The following CCDC158 variants were observed in gnomAD, a reference collection of about 807,000 sequenced individuals.
CCDC158 encodes the protein coiled-coil domain-containing protein 158.
A neutral mutation model predicts 138.6 loss-of-function variants in CCDC158; 116 were observed. The ratio of observed to expected loss-of-function variants is 0.84; its 90% CI spans 0.72 to 0.98. The LOEUF is 0.98. Ranked by LOEUF, CCDC158 falls within the 50% of genes least tolerant of loss-of-function variation. The probability of loss-of-function intolerance (pLI) is 0.00; values close to 1 mark genes in which losing one functional copy is unlikely to be tolerated. For missense variants in CCDC158, 1,265 were observed against 1,306.1 expected (o/e 0.97, Z 0.48); for synonymous variants, 436 against 442.4 (o/e 0.99, Z 0.18).
chr4:76,335,130 A>G (rs1243118099), intron 18 of CCDC158, among the ~76,000 whole-genome samples: 1 of 152,216 alleles, frequency 6.6e-6, no homozygotes, highest in Non-Finnish European at 1.5e-5. Flanking sequence ...AGTTTCATAA[A>G]TTAGACTCCA....
chr4:76,322,541 A>G (rs756853584), intron 24 of CCDC158, among the ~76,000 whole-genome samples: 2 of 152,236 alleles, frequency 1.3e-5, no homozygotes, highest in African/African-American at 2.4e-5. Context: ...ATTATTATTA[A>G]TAAGGTTAAG....
Position 76,367,063 on chromosome 4 carries a change from T to C in CCDC158, c.1830+231A>G, listed in dbSNP as rs140745575. Among the ~76,000 whole-genome samples, 421 of 152,304 alleles carry C rather than the reference T, an allele frequency of 2.8e-3. 2 individuals are homozygous for C. Among genetic ancestry groups the C allele is most frequent in the African/African-American group, 9.2e-3 (382 of 41,564 alleles). Reference sequence around the variant, plus strand: ...AGGAAAGACTTCATAGATTTTCTGATCTTTTTTCTTTTGTACCCGTGATTT... The same window carrying C: ...AGGAAAGACTTCATAGATTTTCTGACCTTTTTTCTTTTGTACCCGTGATTT... On this transcript the variant is annotated intron_variant, in intron 12 of 24. Transcript: ENST00000682701.
rs199507822 is a variant in CCDC158, at chr4:76,328,948, C to T, written c.2962G>A (p.Ala988Thr). 400 of 1,613,648 alleles carry T rather than the reference C, an allele frequency of 2.5e-4. No individual in the cohort carries two copies. Among genetic ancestry groups the T allele is most frequent in the African/African-American group, 1.1e-3 (85 of 75,018 alleles). ...CCAGAGGGATCTTCCCTGTCTCCTG[C>T]GTGTAATGTGACTGGCTCTCTGGAA... ...TLSREPVTLHAGDREDPSGCF... is the reference protein window; with the variant it reads ...TLSREPVTLHTGDREDPSGCF... The change falls in exon 22 of 25, where the codon GCA becomes ACA. Residue 988 changes from alanine to threonine, a missense_variant. Coordinates refer to ENST00000682701, the MANE Select transcript of CCDC158 (RefSeq NM_001394954.1).
chr4:76,364,548 T>A (rs1009783754), intron 12 of CCDC158, among the ~76,000 whole-genome samples: 2 of 152,224 alleles, frequency 1.3e-5, no homozygotes, highest in African/African-American at 2.4e-5. Flanking sequence ...AACACTATAT[T>A]TTGAATATGA....
intron 1 of CCDC158, among the ~76,000 whole-genome samples, chr4:76,413,818 T>TG (rs1272720820): frequency 6.6e-6 from 1 of 152,240 alleles, no homozygotes; most frequent in Non-Finnish European, 1.5e-5. Context: ...TTCTCACAGA[T>TG]GATATCAGTC....
At chr4:76,315,309 C>A (rs1719275566) in intron 24 of CCDC158, among the ~76,000 whole-genome samples, 1 of 152,190 alleles carries the variant, frequency 6.6e-6, no homozygotes. Flanking sequence ...CTGCCCCAAC[C>A]TGATGGTATT....
chr4:76,384,785 C>T lies in CCDC158; in HGVS notation c.289-120G>A, dbSNP rs80006794. On this transcript the variant is annotated intron_variant, in intron 4 of 24. Transcript: ENST00000682701. ...TTTTTATGTCTACTTCCTTCCCTCACTGCTGCAGTTCAAAGTCTAATTAAT... is the reference window on the plus strand; with the variant it reads ...TTTTTATGTCTACTTCCTTCCCTCATTGCTGCAGTTCAAAGTCTAATTAAT... 8.1e-3 allele frequency: 5,399 copies of T among 666,520 alleles called. 201 individuals carry two copies. In the African/African-American group the frequency reaches 0.087, roughly 11 times the overall value. 41.3% of individuals were successfully genotyped at this position (666,520 alleles called of 1,614,324 possible).
chr4:76,351,984 A>G, intron 16 of CCDC158, 172 bp from the exon 17 acceptor site: 1 of 536,986 alleles, frequency 1.9e-6, no homozygotes, highest in Non-Finnish European at 3.3e-6. Flanking sequence ...GAGCAACTGG[A>G]GGCCATGTTT....
At position 76,407,981 on chromosome 4, in the gene CCDC158, G is replaced by A. The variant is rs117760183; in HGVS notation, c.-74+4109C>T. ...GTTGGAAAGCAGCAGTCCTTCAAAG[G>A]GGAATTTTTTTCTTAGAAAATTAGT... On this transcript the variant is annotated intron_variant, in intron 2 of 24. Transcript: ENST00000682701. 3.6e-4 allele frequency among the ~76,000 whole-genome samples: 55 copies of A among 152,050 alleles called. 1 individual carries two copies. In the East Asian group the frequency reaches 6.0e-3, roughly 17 times the overall value.
chr4:76,316,599 A>C (rs1719412780), intron 24 of CCDC158, among the ~76,000 whole-genome samples: 1 of 152,142 alleles, frequency 6.6e-6, no homozygotes, highest in Non-Finnish European at 1.5e-5. Flanking sequence ...CAAATACAAG[A>C]AGCTCAAAGA....
chr4:76,395,362 A>G (rs1727685003), intron 4 of CCDC158, among the ~76,000 whole-genome samples: 1 of 152,094 alleles, frequency 6.6e-6, no homozygotes, highest in Non-Finnish European at 1.5e-5. Context: ...TTTTTTCCTA[A>G]AAGTGCTCAC....
At chr4:76,349,878 T>C (rs1247436997) in intron 18 of CCDC158, among the ~76,000 whole-genome samples, 3 of 152,186 alleles carry the variant, frequency 2.0e-5, no homozygotes, top group Non-Finnish European at 2.9e-5. Context: ...CTAGAGGTCA[T>C]CTTGTCCAGA....
chr4:76,353,802 T>C (rs1394728492), intron 15 of CCDC158, among the ~76,000 whole-genome samples: 1 of 152,206 alleles, frequency 6.6e-6, no homozygotes, highest in African/African-American at 2.4e-5. Flanking sequence ...AGCTTACTGA[T>C]ACAATAGTCT....
intron 18 of CCDC158, among the ~76,000 whole-genome samples, chr4:76,338,977 A>G (rs1490122378): frequency 6.6e-6 from 1 of 152,208 alleles, no homozygotes; most frequent in East Asian, 1.9e-4. Context: ...TGCATTGAAA[A>G]GAAAATACCA....
intron 2 of CCDC158, among the ~76,000 whole-genome samples, chr4:76,411,509 T>A (rs933040652): frequency 1.3e-5 from 2 of 152,194 alleles, no homozygotes; most frequent in Admixed American, 6.5e-5. Flanking sequence ...AATATTGAGT[T>A]TCATATAGGC....
rs375365894 is a variant in CCDC158, at chr4:76,325,933, A to G, written c.3093T>C (p.Ser1031=). 6.3e-5 allele frequency: 102 copies of G among 1,613,598 alleles called. 1 individual carries two copies. The African/African-American group carries it at 1.3e-3, about 20-fold the overall frequency. ...TGGAACCTATTGAACCTTCAACTGA[A>G]CTAGTTAGGAGTGAGTGCACTGGAG... ...KKSPVHSLLT[S]SVEGSIGSTS... Residue 1031 remains serine, a synonymous_variant, in exon 23 of 25, where the codon AGT becomes AGC. Coordinates refer to ENST00000682701, the MANE Select transcript of CCDC158 (RefSeq NM_001394954.1).
chr4:76,399,263 T>C (rs1456714294), intron 3 of CCDC158, among the ~76,000 whole-genome samples: 1 of 151,994 alleles, frequency 6.6e-6, no homozygotes, highest in Admixed American at 6.6e-5. Context: ...CTTCAGAAAA[T>C]TTCAAATAAA....
At chr4:76,373,844 G>A (rs1049372793) in intron 9 of CCDC158, among the ~76,000 whole-genome samples, 5 of 152,100 alleles carry the variant, frequency 3.3e-5, no homozygotes, top group Non-Finnish European at 5.9e-5. Context: ...TTAAGTACAC[G>A]TAAAATATTA....
rs1724790878 is a variant in CCDC158 at position 76,367,441 on chromosome 4, GTCCTTC to G, written c.1677_1682del (p.Glu559_Lys560del). The G allele has an allele frequency of 6.2e-7, 1 of 1,614,196 alleles. No homozygotes were observed. The highest frequency in any genetic ancestry group is 8.5e-7 in the Non-Finnish European group (1 of 1,180,046). On this transcript the variant is annotated inframe_deletion, in exon 12 of 25. Transcript: ENST00000682701. ...GCTGTCGCAGAATCTCGATCACCTT[GTCCTTC>G]TCTGTCATCTGCAGTTTGAGGGCCT...
Sources: gnomAD v4.1 joint callset for allele counts (sites outside exome capture counted in the v4.1 genomes callset) on GRCh38, gnomAD v4.1.1 for gene constraint, MANE v1.5 for transcripts, NCBI Gene and HGNC (gene_info 2026-07-23, HGNC 2026-07-21) for gene names.